Variants in SLC36A1 observed in about 807,000 individuals in gnomAD.
SLC36A1 encodes solute carrier family 36 member 1.
In SLC36A1, 30 loss-of-function variants were observed where a neutral mutation model predicts 47.5. The ratio of observed to expected loss-of-function variants is 0.63; its 90% CI spans 0.47 to 0.86. SLC36A1 has a LOEUF of 0.86. Among genes scored for constraint, SLC36A1 ranks in the 40% least tolerant of loss-of-function variants. SLC36A1 has a pLI of 0.00. For missense variants in SLC36A1, 517 were observed against 606.0 expected (o/e 0.85, Z 1.54); for synonymous variants, 255 against 249.7 (o/e 1.02, Z -0.20).
chr5:151,474,872 C>T (rs545416321), intron 8 of SLC36A1, among the ~76,000 whole-genome samples: 3 of 152,352 alleles, frequency 2.0e-5, no homozygotes, highest in African/African-American at 4.8e-5. Context: ...CACGGCACTT[C>T]TTTCTCTTTT....
At chr5:151,537,937 T>C in the SLC36A1 span, 1 of 1,613,752 alleles carries the variant, frequency 6.2e-7, no homozygotes, top group South Asian at 1.1e-5. Flanking sequence ...ACCTTGCCAG[T>C]ATAGAGAAGC....
chr5:151,402,062 T>C, the SLC36A1 span, among the ~76,000 whole-genome samples: 1 of 152,226 alleles, frequency 6.6e-6, no homozygotes, highest in Non-Finnish European at 1.5e-5. Flanking sequence ...ACTAGTCTTG[T>C]TCCAGTTCTT....
the SLC36A1 span, chr5:151,506,099 T>C: frequency 1.1e-5 from 16 of 1,509,550 alleles, no homozygotes; most frequent in Non-Finnish European, 1.4e-5. Flanking sequence ...CAGGGTACAC[T>C]GAAAGGGAAC....
the SLC36A1 span, among the ~76,000 whole-genome samples, chr5:151,393,517 T>C: frequency 6.6e-6 from 1 of 151,962 alleles, no homozygotes; most frequent in Non-Finnish European, 1.5e-5. Flanking sequence ...TTACAATTTG[T>C]CATGTTTTTG....
chr5:151,350,379 A>G, the SLC36A1 span, among the ~76,000 whole-genome samples: 38,793 of 152,072 alleles, frequency 0.26, 5,357 homozygotes, highest in African/African-American at 0.32. Context: ...AGTACTAGAG[A>G]CAGAGCTTTG....
At chr5:151,477,217 A>G (rs1327475989) in intron 9 of SLC36A1, among the ~76,000 whole-genome samples, 1 of 152,136 alleles carries the variant, frequency 6.6e-6, no homozygotes, top group Non-Finnish European at 1.5e-5. Flanking sequence ...TGAATGTATT[A>G]TAGGGAAATA....
At chr5:151,516,784 G>A in the SLC36A1 span, among the ~76,000 whole-genome samples, 3 of 152,082 alleles carry the variant, frequency 2.0e-5, no homozygotes, top group Admixed American at 2.0e-4. Flanking sequence ...AAAATCTAGT[G>A]GCCAAAGTTG....
At chr5:151,495,570 T>C (rs1019480248), downstream of SLC36A1, among the ~76,000 whole-genome samples, 5 of 152,192 alleles carry the variant, frequency 3.3e-5, no homozygotes, top group African/African-American at 4.8e-5. Context: ...TGCAATGTTA[T>C]CATGAGTAGC....
chr5:151,534,680 G>A, the SLC36A1 span: 3 of 1,564,640 alleles, frequency 1.9e-6, no homozygotes, highest in Non-Finnish European at 2.6e-6. Context: ...CTTTCTCTGG[G>A]GAAATATTAC....
At chr5:151,349,608 C>T in the SLC36A1 span, among the ~76,000 whole-genome samples, 5 of 152,136 alleles carry the variant, frequency 3.3e-5, no homozygotes, top group Non-Finnish European at 5.9e-5. Context: ...TGTTTGGTAA[C>T]GCTGAGATGC....
chr5:151,348,249 G>A, the SLC36A1 span, among the ~76,000 whole-genome samples: 2 of 152,210 alleles, frequency 1.3e-5, no homozygotes, highest in East Asian at 3.8e-4. Flanking sequence ...GCAAGATACT[G>A]GCGCCAGGAG....
At chr5:151,514,492 C>T in the SLC36A1 span, among the ~76,000 whole-genome samples, 1 of 152,352 alleles carries the variant, frequency 6.6e-6, no homozygotes, top group African/African-American at 2.4e-5. Context: ...TAACTCTCCA[C>T]CTGCTCTATA....
At chr5:151,535,472 A>G in the SLC36A1 span, among the ~76,000 whole-genome samples, 1 of 152,118 alleles carries the variant, frequency 6.6e-6, no homozygotes, top group Non-Finnish European at 1.5e-5. Context: ...GAGCTTCCAT[A>G]TAGCTGAACA....
the SLC36A1 span, among the ~76,000 whole-genome samples, chr5:151,526,424 A>T: frequency 6.6e-6 from 1 of 152,240 alleles, no homozygotes; most frequent in African/African-American, 2.4e-5. Context: ...CTTAAAGATG[A>T]CTAGGAATTT....
the SLC36A1 span, among the ~76,000 whole-genome samples, chr5:151,416,598 T>TA: frequency 1.3e-5 from 2 of 151,078 alleles, no homozygotes; most frequent in African/African-American, 4.9e-5. Flanking sequence ...AACTAAAGAC[T>TA]AAAAAAAAAG....
chr5:151,395,045 G>A, the SLC36A1 span, among the ~76,000 whole-genome samples: 1 of 152,190 alleles, frequency 6.6e-6, no homozygotes, highest in Non-Finnish European at 1.5e-5. Flanking sequence ...GAGCTGCGGT[G>A]GGCTCCACAC....
At chr5:151,398,388 T>C in the SLC36A1 span, among the ~76,000 whole-genome samples, 1 of 152,148 alleles carries the variant, frequency 6.6e-6, no homozygotes, top group Non-Finnish European at 1.5e-5. Context: ...GTAATGCAGG[T>C]GTGCGGGCTG....
chr5:151,479,256 A>G, intron 9 of SLC36A1, 64 bp from the exon 10 acceptor site: 1 of 1,551,444 alleles, frequency 6.4e-7, no homozygotes, highest in Non-Finnish European at 8.8e-7. Context: ...ACCATTTTGC[A>G]CTCTTGCTGA....
intron 1 of SLC36A1, among the ~76,000 whole-genome samples, chr5:151,449,092 G>A (rs1225810110): frequency 6.6e-6 from 1 of 152,008 alleles, no homozygotes; most frequent in Admixed American, 6.6e-5. Context: ...GATTTTACCC[G>A]CTGTGTACAC....
Sources: gnomAD v4.1 joint callset for allele counts (sites outside exome capture counted in the v4.1 genomes callset) on GRCh38, gnomAD v4.1.1 for gene constraint, MANE v1.5 for transcripts, NCBI Gene and HGNC (gene_info 2026-07-23, HGNC 2026-07-21) for gene names.